The following PDIA5 variants were observed in gnomAD, a reference collection of about 807,000 sequenced individuals.
PDIA5 encodes the protein protein disulfide-isomerase A5.
PDIA5 carries 58 observed loss-of-function variants against 77.6 expected under a neutral mutation model. The ratio of observed to expected loss-of-function variants is 0.75; its 90% CI spans 0.61 to 0.93. The LOEUF is 0.93. Among genes scored for constraint, PDIA5 ranks in the 40% least tolerant of loss-of-function variants. The pLI is 0.00. For synonymous variants in PDIA5, 250 were observed against 252.1 expected, an observed-to-expected ratio of 0.99 and a Z score of 0.08; for missense variants, 630 against 647.7, an observed-to-expected ratio of 0.97 and a Z score of 0.30.
At chr3:123,117,705 T>C (rs1266377634) in intron 8 of PDIA5, among the ~76,000 whole-genome samples, 2 of 152,230 alleles carry the variant, frequency 1.3e-5, no homozygotes, top group East Asian at 1.9e-4. Flanking sequence ...ACATACCACA[T>C]TTTCTTCATA....
intron 7 of PDIA5, among the ~76,000 whole-genome samples, chr3:123,114,590 G>T (rs1040192347): frequency 1.3e-5 from 2 of 152,186 alleles, no homozygotes; most frequent in African/African-American, 4.8e-5. Context: ...TCCTTCCTCT[G>T]CGCCATCTGC....
chr3:123,132,993 A>G (rs3804753), intron 11 of PDIA5, among the ~76,000 whole-genome samples: 77,155 of 152,128 alleles, frequency 0.51, 20,749 homozygotes, highest in Non-Finnish European at 0.59. Flanking sequence ...CTGCCCGTCA[A>G]TGTTCCTGTC....
chr3:123,152,949 T>G (rs963703169), intron 14 of PDIA5, among the ~76,000 whole-genome samples: 2 of 149,668 alleles, frequency 1.3e-5, no homozygotes, highest in African/African-American at 4.9e-5. Flanking sequence ...GGTTTTCTGC[T>G]ACACAGAGGC....
chr3:123,125,882 T>C (rs931133183), intron 10 of PDIA5, among the ~76,000 whole-genome samples: 9 of 152,328 alleles, frequency 5.9e-5, no homozygotes, highest in Admixed American at 2.0e-4. Flanking sequence ...TTCATTGTCT[T>C]AACCTGGGCC....
chr3:123,132,523 G>A (rs1935392935), intron 11 of PDIA5, among the ~76,000 whole-genome samples: 1 of 152,196 alleles, frequency 6.6e-6, no homozygotes, highest in African/African-American at 2.4e-5. Context: ...CTAGTCTTGT[G>A]GGCCTCTCCT....
rs1384010095 is a variant in PDIA5, at chr3:123,132,767, G to A, written c.910+2151G>A. On this transcript the variant is annotated intron_variant, in intron 11 of 16. Transcript: ENST00000316218. ...CCGAAATCACCATCCTTGCACCCCTGTCCCAGCCGTGACAGCAGATACTGG... is the reference window on the plus strand; with the variant it reads ...CCGAAATCACCATCCTTGCACCCCTATCCCAGCCGTGACAGCAGATACTGG... 2.0e-5 allele frequency among the ~76,000 whole-genome samples: 3 copies of A among 152,136 alleles called. No individual in the cohort carries two copies. In the East Asian group the frequency reaches 5.8e-4, roughly 29 times the overall value.
chr3:123,122,082 C>T (rs1576452585), intron 8 of PDIA5, among the ~76,000 whole-genome samples: 1 of 152,136 alleles, frequency 6.6e-6, no homozygotes, highest in East Asian at 1.9e-4. Flanking sequence ...AACAGGTGTA[C>T]AATGAAGAGT....
intron 2 of PDIA5, among the ~76,000 whole-genome samples, chr3:123,089,944 G>A (rs981131996): frequency 2.0e-5 from 3 of 152,268 alleles, no homozygotes. Context: ...GACTTTGGGG[G>A]AGGGTGAACG....
intron 3 of PDIA5, among the ~76,000 whole-genome samples, chr3:123,100,289 C>T (rs772377289): frequency 1.3e-5 from 2 of 152,234 alleles, no homozygotes; most frequent in African/African-American, 2.4e-5. Flanking sequence ...CACAGAGTCC[C>T]TGCGGGACGG....
At chr3:123,109,198 TCTG>T (rs1380797323) in intron 6 of PDIA5, among the ~76,000 whole-genome samples, 1 of 152,244 alleles carries the variant, frequency 6.6e-6, no homozygotes, top group East Asian at 1.9e-4. Context: ...TAGCTGGTTC[TCTG>T]CTAATAGAAT....
intron 8 of PDIA5, among the ~76,000 whole-genome samples, chr3:123,116,744 G>T (rs567515151): frequency 6.6e-6 from 1 of 152,176 alleles, no homozygotes; most frequent in South Asian, 2.1e-4. Flanking sequence ...GGCCTGTCCC[G>T]GCTTCCCAGG....
intron 14 of PDIA5, among the ~76,000 whole-genome samples, chr3:123,152,595 C>T (rs1394533922): frequency 1.3e-5 from 2 of 152,118 alleles, no homozygotes; most frequent in East Asian, 3.9e-4. Flanking sequence ...CTAAACACTA[C>T]AGAAATGTCA....
chr3:123,093,256 A>AGG (rs1430119428), intron 3 of PDIA5, among the ~76,000 whole-genome samples: 11 of 142,750 alleles, frequency 7.7e-5, no homozygotes, highest in African/African-American at 2.7e-4. Context: ...TGTGCTGTAG[A>AGG]GGGTGTGTGT....
chr3:123,098,729 G>A (rs1287351274), intron 3 of PDIA5, among the ~76,000 whole-genome samples: 1 of 152,208 alleles, frequency 6.6e-6, no homozygotes, highest in African/African-American at 2.4e-5. Context: ...TGGGCAGAGG[G>A]ATGGCTGGTT....
In PDIA5 at chr3:123,106,771, A is replaced by C. The variant is rs1306085321; in HGVS notation, c.410A>C (p.Asp137Ala). 4 of 1,611,930 alleles carry C rather than the reference A, an allele frequency of 2.5e-6. No individual in the cohort carries two copies. The highest frequency in any genetic ancestry group is 3.4e-6 in the Non-Finnish European group (4 of 1,178,920). Residue 137 changes from aspartate to alanine, a missense_variant, in exon 6 of 17, where the codon GAT (aspartate) becomes GCT (alanine). By Grantham distance (126) the Asp-to-Ala change is moderately radical. Transcript: ENST00000316218. Reference protein sequence around the residue: ...TFKSIVAFLKDPKGPPLWEED... With the variant: ...TFKSIVAFLKAPKGPPLWEED... ...CAGTCCATAGTGGCCTTTTTGAAGG[A>C]TCCAAAAGGGCCCCCACTGTGGGAG...
intron 1 of PDIA5, among the ~76,000 whole-genome samples, chr3:123,075,072 T>G (rs1046313327): frequency 6.6e-6 from 1 of 152,240 alleles, no homozygotes; most frequent in Non-Finnish European, 1.5e-5. Flanking sequence ...GACATTAACC[T>G]GTTGGTATCT....
In PDIA5 at chr3:123,089,196, C is replaced by T. The variant is rs1276050913; in HGVS notation, c.71C>T (p.Ala24Val). 6.2e-7 allele frequency: 1 copy of T among 1,613,964 alleles called. No individual in the cohort carries two copies. Among genetic ancestry groups the T allele is most frequent in the South Asian group, 1.1e-5 (1 of 91,058 alleles). ...GTCCTGCCATCATGGCTGTCCTCTG[C>T]AAAGGTCTCCTCGCTCATTGAGAGA... ...WVVLPSWLSS[A>V]KVSSLIERIS... Residue 24 changes from alanine (A) to valine (V), a missense_variant, in exon 2 of 17, where the codon GCA becomes GTA. Transcript: ENST00000316218.
intron 14 of PDIA5, among the ~76,000 whole-genome samples, chr3:123,152,010 T>TGCC (rs1234572451): frequency 1.7e-4 from 25 of 144,324 alleles, no homozygotes; most frequent in African/African-American, 6.9e-4. Flanking sequence ...CCTTCCTTCC[T>TGCC]TCCTTCCTGC....
chr3:123,143,191 CTGG>C (rs1414420075), intron 11 of PDIA5, among the ~76,000 whole-genome samples: 3 of 151,950 alleles, frequency 2.0e-5, no homozygotes, highest in Non-Finnish European at 4.4e-5. Context: ...CGAGACCATC[CTGG>C]CTAACACAGT....
Sources: gnomAD v4.1 joint callset for allele counts (sites outside exome capture counted in the v4.1 genomes callset) on GRCh38, gnomAD v4.1.1 for gene constraint, MANE v1.5 for transcripts, NCBI Gene and HGNC (gene_info 2026-07-23, HGNC 2026-07-21) for gene names.